The following USP37 variants were observed in gnomAD, a reference collection of about 807,000 sequenced individuals.
USP37 encodes ubiquitin carboxyl-terminal hydrolase 37.
Under a neutral mutation model 124.0 loss-of-function variants are expected in USP37, and 27 were observed. The observed-to-expected ratio is 0.22, with a 90% CI of 0.16 to 0.30. USP37 has a LOEUF of 0.30. Among genes scored for constraint, USP37 ranks in the 10% least tolerant of loss-of-function variants. USP37 has a pLI of 1.00. For missense variants in USP37, 889 were observed against 1,140.4 expected (o/e 0.78, Z 3.17); for synonymous variants, 365 against 388.0 (o/e 0.94, Z 0.70).
intron 10 of USP37, among the ~76,000 whole-genome samples, chr2:218,525,002 A>G (rs1261208329): frequency 6.6e-6 from 1 of 152,218 alleles, no homozygotes; most frequent in Non-Finnish European, 1.5e-5. Flanking sequence ...TCTTTACTGT[A>G]TACACCCTAT....
At chr2:218,549,962 C>CA (rs1421332829) in intron 5 of USP37, 53 bp from the exon 6 acceptor site, 27 of 1,322,562 alleles carry the variant, frequency 2.0e-5, no homozygotes, top group Middle Eastern at 3.8e-4. Context: ...CTCACTTTAA[C>CA]AAAAAGATTT....
chr2:218,508,246 G>A (rs992945842), intron 11 of USP37, among the ~76,000 whole-genome samples: 2 of 151,488 alleles, frequency 1.3e-5, no homozygotes, highest in African/African-American at 2.4e-5. Context: ...TTACCCTTTA[G>A]ACCTGGTAGT....
At chr2:218,536,236 T>C (rs1039891141) in intron 8 of USP37, among the ~76,000 whole-genome samples, 1 of 152,164 alleles carries the variant, frequency 6.6e-6, no homozygotes, top group African/African-American at 2.4e-5. Flanking sequence ...GTAGAGAGTG[T>C]CCATTCAAAT....
chr2:218,549,253 C>T (rs566118621), intron 6 of USP37, among the ~76,000 whole-genome samples: 2 of 151,842 alleles, frequency 1.3e-5, no homozygotes, highest in South Asian at 4.2e-4. Flanking sequence ...AAAATCTAAC[C>T]TATAAAAAGA....
intron 8 of USP37, among the ~76,000 whole-genome samples, chr2:218,543,365 G>C (rs1277172354): frequency 6.6e-6 from 1 of 151,870 alleles, no homozygotes; most frequent in Non-Finnish European, 1.5e-5. Flanking sequence ...AGCCAGGCAT[G>C]GTGGTGCACG....
rs1213765276 is a variant in USP37 at position 218,552,938 on chromosome 2, CAAACAAAT to C, written c.328+607_328+614del. 1.2e-4 allele frequency among the ~76,000 whole-genome samples: 18 copies of C among 151,014 alleles called. 1 individual carries two copies. The highest frequency in any genetic ancestry group is 2.4e-4 in the Non-Finnish European group (16 of 67,962). ...ATTTCAAAACAAACAAACAAACAAA[CAAACAAAT>C]AAATAAATAATAAAAAATCCTGCTC... On this transcript the variant is annotated intron_variant, in intron 5 of 25. Coordinates refer to ENST00000258399, the MANE Select transcript of USP37 (RefSeq NM_020935.3).
intron 20 of USP37, 124 bp downstream of exon 20, chr2:218,474,506 C>T (rs774225321): frequency 3.0e-5 from 41 of 1,380,926 alleles, no homozygotes; most frequent in Non-Finnish European, 4.0e-5. Flanking sequence ...GGATTAGGGT[C>T]ACACACCACC....
At chr2:218,491,461 T>A (rs1431626339) in intron 14 of USP37, among the ~76,000 whole-genome samples, 5 of 152,190 alleles carry the variant, frequency 3.3e-5, no homozygotes. Context: ...GCACAGGCAG[T>A]AATACCTTTA....
In USP37 at chr2:218,454,809, C is replaced by G; in HGVS notation, c.*121G>C. 6.6e-7 allele frequency: 1 copy of G among 1,510,644 alleles called. No homozygotes were observed. The highest frequency in any genetic ancestry group is 2.3e-5 in the Admixed American group (1 of 42,856). The allele number at this position is 1,510,644 out of a possible 1,614,324, so 93.6% of individuals were successfully genotyped here. On this transcript the variant is annotated 3_prime_UTR_variant, in exon 26 of 26. Coordinates refer to ENST00000258399, the MANE Select transcript of USP37 (RefSeq NM_020935.3). ...TCCAATTTTTGTCTTTTGGTTTGGC[C>G]CTGAGCTGTTTGTTGCTCCCGCATC... is the stretch of plus-strand genomic sequence containing the variant.
At chr2:218,458,215 C>T (rs1037528336) in intron 23 of USP37, among the ~76,000 whole-genome samples, 1 of 148,292 alleles carries the variant, frequency 6.7e-6, no homozygotes. Flanking sequence ...AGAGCACACG[C>T]CACTGCACTC....
chr2:218,473,345 G>A (rs1171012657), intron 20 of USP37: 2 of 152,276 alleles, frequency 1.3e-5, no homozygotes, highest in Non-Finnish European at 2.9e-5. Context: ...AATGTAGTAA[G>A]GGGACTGCAT....
rs1689495730 is a variant in USP37 at position 218,451,993 on chromosome 2, C to A, written c.*2937G>T. 1.3e-5 allele frequency: 2 copies of A among 152,594 alleles called. No homozygotes were observed. Among genetic ancestry groups the A allele is most frequent in the Admixed American group, 1.3e-4 (2 of 15,264 alleles). 9.5% of individuals were successfully genotyped at this position (152,594 alleles called of 1,614,324 possible). On this transcript the variant is annotated 3_prime_UTR_variant, in exon 26 of 26. Coordinates refer to ENST00000258399, the MANE Select transcript of USP37 (RefSeq NM_020935.3). ...TGTGAATATATCCCTACGAAACAGT[C>A]TATCTTCTCATAGGCTTAAATTATA...
chr2:218,498,053 T>A lies in USP37; in HGVS notation c.1130A>T (p.Lys377Met). 2 of 1,610,690 alleles carry A rather than the reference T, an allele frequency of 1.2e-6. No homozygotes were observed. The highest frequency in any genetic ancestry group is 1.7e-6 in the Non-Finnish European group (2 of 1,178,954). Reference protein sequence around the residue: ...NDLLKQGIPWKKIPLNALIRR... With the variant: ...NDLLKQGIPWMKIPLNALIRR... ...GATAAGTGCATTGAGTGGAATTTTC[T>A]TCCATGGGATACCTTGTTTAAGCAA... Residue 377 changes from lysine (K) to methionine (M), a missense_variant, in exon 12 of 26, where the codon AAG becomes ATG. Physicochemically the swap from Lys to Met is moderately conservative, Grantham distance 95. Around this residue, in one of 3 missense-constraint regions of USP37, gnomAD observed 504 missense variants for 714.3 expected, o/e 0.71. Transcript: ENST00000258399.
chr2:218,463,566 C>T (rs1156245158), intron 21 of USP37, among the ~76,000 whole-genome samples, 200 bp from the exon 22 acceptor site: 2 of 131,242 alleles, frequency 1.5e-5, no homozygotes, highest in East Asian at 2.3e-4. Flanking sequence ...GACGGAGTCT[C>T]GCTCTGTCCC....
At position 218,531,372 on chromosome 2, in the gene USP37, T is replaced by C. The variant is rs190515902; in HGVS notation, c.779-1332A>G. Among the ~76,000 whole-genome samples the C allele has an allele frequency of 4.3e-3, 648 of 152,336 alleles. 3 individuals carry two copies. Among genetic ancestry groups the C allele is most frequent in the African/African-American group, 0.015 (621 of 41,576 alleles). On this transcript the variant is annotated intron_variant, in intron 9 of 25. Transcript: ENST00000258399. ...GATGACAACTCTTCTGTTCACAACA[T>C]GATTTAATCAATATTTTAAGCCACT...
At chr2:218,552,487 G>C (rs1388788101) in intron 5 of USP37, among the ~76,000 whole-genome samples, 1 of 152,006 alleles carries the variant, frequency 6.6e-6, no homozygotes, top group African/African-American at 2.4e-5. Context: ...GGCCAAGGAA[G>C]GTCAATCGCT....
At chr2:218,458,302 T>C (rs1021794874) in intron 23 of USP37, among the ~76,000 whole-genome samples, 2 of 130,116 alleles carry the variant, frequency 1.5e-5, no homozygotes, top group African/African-American at 5.8e-5. Context: ...CCAGGTGCAG[T>C]GGCTCAGGCC....
intron 14 of USP37, among the ~76,000 whole-genome samples, chr2:218,492,886 T>C (rs1280877762): frequency 6.6e-6 from 1 of 152,106 alleles, no homozygotes; most frequent in Non-Finnish European, 1.5e-5. Flanking sequence ...GTGCTCGTAG[T>C]CCTGGCTACT....
chr2:218,452,240 G>C lies in USP37; in HGVS notation c.*2690C>G, dbSNP rs1343060147. The C allele has an allele frequency of 6.6e-6, 1 of 152,112 alleles. No homozygotes were observed. Among genetic ancestry groups the C allele is most frequent in the East Asian group, 1.9e-4 (1 of 5,198 alleles). 9.4% of individuals were successfully genotyped at this position (152,112 alleles called of 1,614,324 possible). Reference sequence around the variant, plus strand: ...CACATTTGGTATTTTCAATAGGAAGGTTAATTAGGTATTGTGCAAACTGCC... The same window carrying C: ...CACATTTGGTATTTTCAATAGGAAGCTTAATTAGGTATTGTGCAAACTGCC... On this transcript the variant is annotated 3_prime_UTR_variant, in exon 26 of 26. Coordinates refer to ENST00000258399, the MANE Select transcript of USP37 (RefSeq NM_020935.3).
Sources: gnomAD v4.1 joint callset for allele counts (sites outside exome capture counted in the v4.1 genomes callset) on GRCh38, gnomAD v4.1.1 for gene constraint, gnomAD v4.1.1 regional missense constraint, MANE v1.5 for transcripts, NCBI Gene and HGNC (gene_info 2026-07-23, HGNC 2026-07-21) for gene names.